Variants in TCERG1L observed in about 807,000 individuals in gnomAD.
The protein encoded by TCERG1L is transcription elongation regulator 1 like.
Under a neutral mutation model 56.3 loss-of-function variants are expected in TCERG1L, and 37 were observed. The observed-to-expected ratio is 0.66, with a 90% confidence interval of 0.51 to 0.87. The LOEUF (loss-of-function observed/expected upper bound fraction) is 0.87. Ranked by LOEUF, TCERG1L falls within the 40% of genes least tolerant of loss-of-function variation. The probability of loss-of-function intolerance (pLI) is 0.00; values close to 1 mark genes in which losing one functional copy is unlikely to be tolerated. For missense variants in TCERG1L, 799 were observed against 774.2 expected (o/e 1.03, Z -0.38); for synonymous variants, 324 against 326.3 (o/e 0.99, Z 0.08).
At chr10:131,293,744 C>T (rs1211902351) in intron 3 of TCERG1L, among the ~76,000 whole-genome samples, 2 of 152,212 alleles carry the variant, frequency 1.3e-5, no homozygotes, top group Non-Finnish European at 2.9e-5. Flanking sequence ...CTGTCTTTAA[C>T]TGTTAAGCCA....
chr10:131,227,773 C>A (rs747946033), intron 4 of TCERG1L, among the ~76,000 whole-genome samples: 15 of 152,192 alleles, frequency 9.9e-5, no homozygotes, highest in Non-Finnish European at 2.1e-4. Flanking sequence ...CAGGCACATT[C>A]ATTACAATAT....
chr10:131,142,954 G>T (rs529767654), intron 7 of TCERG1L, among the ~76,000 whole-genome samples: 1 of 152,250 alleles, frequency 6.6e-6, no homozygotes, highest in South Asian at 2.1e-4. Flanking sequence ...CCTTCAGAGT[G>T]GGAGCGGGAG....
At chr10:131,305,671 T>C (rs368648067) in intron 3 of TCERG1L, among the ~76,000 whole-genome samples, 1 of 152,090 alleles carries the variant, frequency 6.6e-6, no homozygotes, top group Admixed American at 6.5e-5. Context: ...CTTAGCTCAC[T>C]AGACCTGTTT....
intron 4 of TCERG1L, among the ~76,000 whole-genome samples, chr10:131,241,733 G>A (rs1441431638): frequency 6.6e-6 from 1 of 152,074 alleles, no homozygotes; most frequent in Non-Finnish European, 1.5e-5. Flanking sequence ...GAATGTATAT[G>A]TGTATACATA....
chr10:131,268,601 T>C (rs370319439), intron 3 of TCERG1L, among the ~76,000 whole-genome samples: 11 of 152,198 alleles, frequency 7.2e-5, no homozygotes, highest in Non-Finnish European at 5.9e-5. Context: ...TTCATCTGCA[T>C]TGCAAATCTC....
At chr10:131,200,566 A>G (rs1299578038) in intron 4 of TCERG1L, among the ~76,000 whole-genome samples, 1 of 152,168 alleles carries the variant, frequency 6.6e-6, no homozygotes, top group East Asian at 1.9e-4. Flanking sequence ...GTATTTTGGA[A>G]TCGGATGACT....
chr10:131,197,457 T>C (rs1376669781), intron 4 of TCERG1L, among the ~76,000 whole-genome samples: 2 of 152,120 alleles, frequency 1.3e-5, no homozygotes, highest in Admixed American at 1.3e-4. Flanking sequence ...AGTGCTGGGA[T>C]TACAGGCATG....
chr10:131,202,166 G>C (rs75828651), intron 4 of TCERG1L, among the ~76,000 whole-genome samples: 5,330 of 152,232 alleles, frequency 0.035, 295 homozygotes, highest in African/African-American at 0.12. Context: ...CCACATGAAG[G>C]AGCACAGAGA....
In TCERG1L at chr10:131,113,362, G is replaced by A. The variant is rs192685488; in HGVS notation, c.1395+3437C>T. Among the ~76,000 whole-genome samples, 25 of 142,064 alleles carry A rather than the reference G, an allele frequency of 1.8e-4. 7 individuals are homozygous for A. In the East Asian group the frequency reaches 2.4e-3, roughly 14 times the overall value. The allele number at this position is 142,064 out of a possible 152,430, so 93.2% of individuals were successfully genotyped here. A position where few individuals can be genotyped will look rare whatever the true frequency, so the allele number is the denominator to read the frequency against. ...CCAGCCTAGCCCTTTCTGTGCACGC[G>A]TGCCCTGGCTGAAGGCTGGTGAAGC... On this transcript the variant is annotated intron_variant, in intron 9 of 11. Coordinates refer to ENST00000368642, the MANE Select transcript of TCERG1L (RefSeq NM_174937.4).
At chr10:131,224,971 C>A (rs562449790) in intron 4 of TCERG1L, among the ~76,000 whole-genome samples, 1 of 152,252 alleles carries the variant, frequency 6.6e-6, no homozygotes, top group African/African-American at 2.4e-5. Flanking sequence ...ACCATCGGCC[C>A]GCAGTGTGGA....
At chr10:131,270,973 ACT>A (rs1254835866) in intron 3 of TCERG1L, among the ~76,000 whole-genome samples, 1 of 151,474 alleles carries the variant, frequency 6.6e-6, no homozygotes, top group East Asian at 2.0e-4. Flanking sequence ...CTTCCCAGAG[ACT>A]CTCCTGGGCC....
At chr10:131,291,576 G>A (rs1236112734) in intron 3 of TCERG1L, among the ~76,000 whole-genome samples, 13 of 150,728 alleles carry the variant, frequency 8.6e-5, no homozygotes, top group Admixed American at 4.0e-4. Flanking sequence ...ACAGGCGCCC[G>A]CCAACACACC....
chr10:131,145,649 C>T (rs754682541), intron 7 of TCERG1L, among the ~76,000 whole-genome samples: 1 of 152,234 alleles, frequency 6.6e-6, no homozygotes, highest in Non-Finnish European at 1.5e-5. Context: ...TTACCATCAT[C>T]TAGCATTAGC....
At chr10:131,257,378 G>C (rs1469584343) in intron 4 of TCERG1L, among the ~76,000 whole-genome samples, 2 of 152,238 alleles carry the variant, frequency 1.3e-5, no homozygotes, top group Non-Finnish European at 2.9e-5. Context: ...GCTGAATCTG[G>C]ACCTGGTCAC....
chr10:131,175,775 T>C (rs112668234), intron 4 of TCERG1L, among the ~76,000 whole-genome samples: 1 of 151,958 alleles, frequency 6.6e-6, no homozygotes, highest in Non-Finnish European at 1.5e-5. Context: ...TACCCCAACC[T>C]TGGACCAAGA....
In TCERG1L at chr10:131,098,392, T is replaced by G. The variant is rs1334433375; in HGVS notation, c.1518A>C (p.Lys506Asn). 3.2e-6 allele frequency: 5 copies of G among 1,550,100 alleles called. No individual in the cohort carries two copies. The highest frequency in any genetic ancestry group is 3.5e-6 in the Non-Finnish European group (4 of 1,146,820). ...IFEQFVKTRIKEEYKEKKSKL... is the reference protein window; with the variant it reads ...IFEQFVKTRINEEYKEKKSKL... ...TACTTTTCTTTTCCTTGTATTCTTC[T>G]TTTATTCTTGTCTTGACAAACTGTT... The change falls in exon 11 of 12, where the codon AAA becomes AAC. Residue 506 changes from lysine to asparagine, a missense_variant. Lys to Asn is a moderately conservative substitution (Grantham distance 94, BLOSUM62 0). Coordinates refer to ENST00000368642, the MANE Select transcript of TCERG1L (RefSeq NM_174937.4).
At chr10:131,193,638 T>A (rs1412614874) in intron 4 of TCERG1L, among the ~76,000 whole-genome samples, 1 of 152,198 alleles carries the variant, frequency 6.6e-6, no homozygotes, top group African/African-American at 2.4e-5. Flanking sequence ...TCATCAGAGA[T>A]CAGTTGGCTG....
chr10:131,216,066 C>T (rs887677303), intron 4 of TCERG1L, among the ~76,000 whole-genome samples: 1 of 152,164 alleles, frequency 6.6e-6, no homozygotes, highest in Non-Finnish European at 1.5e-5. Context: ...CTTGTCCCTG[C>T]ATCAGCCTGG....
At chr10:131,169,500 A>G (rs1436067491) in intron 4 of TCERG1L, among the ~76,000 whole-genome samples, 1 of 152,154 alleles carries the variant, frequency 6.6e-6, no homozygotes, top group Non-Finnish European at 1.5e-5. Context: ...CACTCCACAT[A>G]TTTCACGACT....
Sources: allele counts gnomAD v4.1 joint callset (sites outside exome capture counted in the v4.1 genomes callset), GRCh38; gene constraint gnomAD v4.1.1; transcripts MANE v1.5; gene names NCBI Gene and HGNC (gene_info 2026-07-23, HGNC 2026-07-21).